USP32: variants seen among roughly 807,000 people sequenced by gnomAD.
USP32 encodes the protein ubiquitin carboxyl-terminal hydrolase 32.
In USP32, 59 loss-of-function variants were observed where a neutral mutation model predicts 204.8. The ratio of observed to expected loss-of-function variants is 0.29; its 90% CI spans 0.23 to 0.36. The LOEUF (loss-of-function observed/expected upper bound fraction) is 0.36. Ranked by LOEUF, USP32 falls within the 10% of genes least tolerant of loss-of-function variation. The pLI is 1.00. For missense variants in USP32, 1,160 were observed against 1,946.4 expected (o/e 0.60, Z 7.60); for synonymous variants, 517 against 678.4 (o/e 0.76, Z 3.70).
intron 2 of USP32, among the ~76,000 whole-genome samples, chr17:60,336,494 TC>T (rs2088519580): frequency 7.1e-6 from 1 of 141,160 alleles, no homozygotes; most frequent in Non-Finnish European, 1.5e-5. Context: ...GGCGGGCGGA[TC>T]ACGAGGTCAA....
intron 2 of USP32, among the ~76,000 whole-genome samples, chr17:60,307,798 G>A (rs980318955): frequency 6.6e-6 from 1 of 152,124 alleles, no homozygotes; most frequent in Non-Finnish European, 1.5e-5. Context: ...GGCCTGCCAC[G>A]CCCCCAAGGT....
intron 11 of USP32, among the ~76,000 whole-genome samples, chr17:60,238,719 G>A (rs1000890405): frequency 3.3e-5 from 5 of 151,000 alleles, no homozygotes; most frequent in African/African-American, 4.9e-5. Context: ...CAGTAGAATC[G>A]CTTGAACCCA....
intron 10 of USP32, 127 bp downstream of exon 10, chr17:60,255,048 C>CTT (rs11324851): frequency 2.6e-4 from 130 of 497,384 alleles, no homozygotes; most frequent in South Asian, 3.6e-4. Context: ...TAATGTAGTT[C>CTT]TTTTTTTTTT....
intron 1 of USP32, among the ~76,000 whole-genome samples, chr17:60,370,196 T>C (rs1308731646): frequency 6.6e-6 from 1 of 151,890 alleles, no homozygotes; most frequent in Non-Finnish European, 1.5e-5. Flanking sequence ...GAAAAAATTA[T>C]AAAAATAAAA....
chr17:60,319,023 G>A (rs925584707), intron 2 of USP32, among the ~76,000 whole-genome samples: 3 of 152,164 alleles, frequency 2.0e-5, no homozygotes, highest in African/African-American at 4.8e-5. Context: ...TACCACTTAC[G>A]TAAAGTAATT....
At chr17:60,324,918 G>T (rs554019851) in intron 2 of USP32, among the ~76,000 whole-genome samples, 4 of 152,196 alleles carry the variant, frequency 2.6e-5, no homozygotes, top group African/African-American at 9.6e-5. Context: ...CAGGAAAATG[G>T]CTTGAACCAA....
At chr17:60,353,204 G>A (rs1430705637) in intron 1 of USP32, among the ~76,000 whole-genome samples, 1 of 152,146 alleles carries the variant, frequency 6.6e-6, no homozygotes, top group African/African-American at 2.4e-5. Context: ...AAGGGCTCAA[G>A]CGCAACATAG....
chr17:60,323,342 CA>C (rs1215672438), intron 2 of USP32, among the ~76,000 whole-genome samples: 1 of 152,048 alleles, frequency 6.6e-6, no homozygotes, highest in Non-Finnish European at 1.5e-5. Flanking sequence ...TACATGTTTT[CA>C]AGATTCATCT....
At chr17:60,384,432 C>G (rs2089694921) in intron 1 of USP32, among the ~76,000 whole-genome samples, 1 of 152,200 alleles carries the variant, frequency 6.6e-6, no homozygotes, top group African/African-American at 2.4e-5. Flanking sequence ...AGTACCCCAA[C>G]AAACATGTTA....
intron 11 of USP32, among the ~76,000 whole-genome samples, chr17:60,248,532 T>C (rs2086092452): frequency 6.6e-6 from 1 of 152,252 alleles, no homozygotes; most frequent in Non-Finnish European, 1.5e-5. Flanking sequence ...TGAAACTCTG[T>C]TCATTTATTT....
At position 60,342,221 on chromosome 17, in the gene USP32, G is replaced by A. The variant is rs2088675911; in HGVS notation, c.186+3260C>T. ...GTCCACTCAAGACCTTGTTTGCCTG[G>A]GTATCACCAGTAGAGGCTGCAGAAC... is the stretch of plus-strand genomic sequence containing the variant. On this transcript the variant is annotated intron_variant, in intron 2 of 33. Transcript: ENST00000300896. 6.6e-5 allele frequency among the ~76,000 whole-genome samples: 10 copies of A among 152,228 alleles called. No homozygotes were observed. In the South Asian group the frequency reaches 2.1e-3, roughly 32 times the overall value.
Position 60,233,873 on chromosome 17 carries a change from T to C in USP32, c.1239+2265A>G, listed in dbSNP as rs142684839. Among the ~76,000 whole-genome samples, 31 of 152,260 alleles carry C rather than the reference T, an allele frequency of 2.0e-4. 1 individual carries two copies. The South Asian group carries it at 5.0e-3, about 24-fold the overall frequency. ...CCCCATCTTATTGAATAAATTCCCA[T>C]ACTCTGCCTCCTTTCTCTCCATATA... On this transcript the variant is annotated intron_variant, in intron 12 of 33. Transcript: ENST00000300896.
At chr17:60,289,210 G>A (rs1049697184) in intron 4 of USP32, among the ~76,000 whole-genome samples, 8 of 152,066 alleles carry the variant, frequency 5.3e-5, no homozygotes, top group African/African-American at 7.2e-5. Context: ...AGGTTTCACC[G>A]TGTTAGCCAG....
rs531724094 is a variant in USP32, at chr17:60,323,083, T to C, written c.187-21379A>G. 2.6e-5 allele frequency among the ~76,000 whole-genome samples: 4 copies of C among 152,316 alleles called. No homozygotes were observed. In the South Asian group the frequency reaches 8.3e-4, roughly 32 times the overall value. ...AATGGGCAGCCACTTTGGAAAATAGTCTGGCAGTTCCTCAAAAAGTTAAAT... is the reference window on the plus strand; with the variant it reads ...AATGGGCAGCCACTTTGGAAAATAGCCTGGCAGTTCCTCAAAAAGTTAAAT... On this transcript the variant is annotated intron_variant, in intron 2 of 33. Transcript: ENST00000300896.
At chr17:60,271,063 T>C (rs1289513139) in intron 6 of USP32, among the ~76,000 whole-genome samples, 2 of 152,168 alleles carry the variant, frequency 1.3e-5, no homozygotes, top group East Asian at 1.9e-4. Context: ...TAGCTACTAA[T>C]GCACCTTACT....
chr17:60,301,596 T>C lies in USP32; in HGVS notation c.292+3A>G. 6.4e-7 allele frequency: 1 copy of C among 1,552,448 alleles called. No individual in the cohort carries two copies. Among genetic ancestry groups the C allele is most frequent in the South Asian group, 1.2e-5 (1 of 83,326 alleles). Reference sequence around the variant, plus strand: ...TTATTTTTGAGATAATAAAAGTACTTACATTTTGCTTTCTCTTCATCTTTG... The same window carrying C: ...TTATTTTTGAGATAATAAAAGTACTCACATTTTGCTTTCTCTTCATCTTTG... On this transcript the variant is annotated splice_donor_region_variant and intron_variant, in intron 3 of 33. Transcript: ENST00000300896.
chr17:60,255,445 C>G (rs1360896224), intron 9 of USP32, among the ~76,000 whole-genome samples, 187 bp from the exon 10 acceptor site: 3 of 151,866 alleles, frequency 2.0e-5, no homozygotes, highest in Admixed American at 6.6e-5. Flanking sequence ...TTACAGGTGC[C>G]CGCCACCATG....
intron 1 of USP32, among the ~76,000 whole-genome samples, chr17:60,416,920 CTT>C (rs113006047): frequency 3.9e-4 from 54 of 138,986 alleles, no homozygotes; most frequent in East Asian, 1.0e-3. Flanking sequence ...TATCCAATTC[CTT>C]TTTTTTTTTT....
At chr17:60,254,686 G>A (rs2086250453) in intron 10 of USP32, among the ~76,000 whole-genome samples, 1 of 152,070 alleles carries the variant, frequency 6.6e-6, no homozygotes, top group African/African-American at 2.4e-5. Context: ...ATGACAGAGT[G>A]AGATGCTGTC....
Sources: allele counts gnomAD v4.1 joint callset (sites outside exome capture counted in the v4.1 genomes callset), GRCh38; gene constraint gnomAD v4.1.1; transcripts MANE v1.5; gene names NCBI Gene and HGNC (gene_info 2026-07-23, HGNC 2026-07-21).